Variants in FRAS1 observed in about 807,000 individuals in gnomAD.
FRAS1 encodes the protein Fraser extracellular matrix complex subunit 1.
In FRAS1, 290 loss-of-function variants were observed where a neutral mutation model predicts 435.2. That is an observed-to-expected ratio of 0.67 (90% confidence interval 0.61 to 0.73). The LOEUF is 0.73. FRAS1 is among the 30% of genes least tolerant of loss of function. FRAS1 has a pLI of 0.00. For missense variants in FRAS1, 4,860 were observed against 5,001.5 expected, an observed-to-expected ratio of 0.97 and a Z score of 0.85; for synonymous variants, 1,800 against 1,851.0, an observed-to-expected ratio of 0.97 and a Z score of 0.71.
chr4:78,469,056 C>CT (rs1232735378), intron 50 of FRAS1, among the ~76,000 whole-genome samples: 17 of 152,170 alleles, frequency 1.1e-4, no homozygotes, highest in Admixed American at 2.6e-4. Context: ...AGTCATCACT[C>CT]TTGTTTTTTC....
At chr4:78,058,197 G>C in intron 1 of FRAS1, 112 bp downstream of exon 1, 1 of 951,546 alleles carries the variant, frequency 1.1e-6, no homozygotes, top group Non-Finnish European at 1.5e-6. Flanking sequence ...ATTTCGGTGA[G>C]GTGGAAGTTT....
At chr4:78,189,018 A>T (rs962787164) in intron 2 of FRAS1, among the ~76,000 whole-genome samples, 5 of 152,218 alleles carry the variant, frequency 3.3e-5, no homozygotes, top group African/African-American at 1.2e-4. Flanking sequence ...ATGTGGTATT[A>T]CTGCCGAACT....
intron 2 of FRAS1, among the ~76,000 whole-genome samples, chr4:78,229,122 C>G (rs1560591798): frequency 2.0e-5 from 3 of 152,106 alleles, no homozygotes; most frequent in Non-Finnish European, 2.9e-5. Flanking sequence ...CAGATGGACA[C>G]TGGTTGAAAT....
chr4:78,149,631 C>T (rs1720561136), intron 2 of FRAS1, among the ~76,000 whole-genome samples: 1 of 152,122 alleles, frequency 6.6e-6, no homozygotes, highest in Non-Finnish European at 1.5e-5. Context: ...CTTTTTGCAT[C>T]ACTATATACA....
At chr4:78,414,554 C>T (rs574666798) in intron 32 of FRAS1, among the ~76,000 whole-genome samples, 141 of 152,284 alleles carry the variant, frequency 9.3e-4, no homozygotes, top group Non-Finnish European at 1.7e-3. Flanking sequence ...ATAGGACATA[C>T]TTGTGATCTG....
At chr4:78,135,451 A>G (rs886152021) in intron 2 of FRAS1, among the ~76,000 whole-genome samples, 1 of 152,214 alleles carries the variant, frequency 6.6e-6, no homozygotes, top group Non-Finnish European at 1.5e-5. Context: ...TGACAGTTAC[A>G]AACTGATCTG....
At chr4:78,389,800 C>G (rs927700959) in intron 29 of FRAS1, among the ~76,000 whole-genome samples, 1 of 152,162 alleles carries the variant, frequency 6.6e-6, no homozygotes, top group African/African-American at 2.4e-5. Flanking sequence ...GATGGAAGGA[C>G]ATTTCTAGGG....
intron 35 of FRAS1, among the ~76,000 whole-genome samples, chr4:78,427,222 C>A (rs548781354): frequency 3.5e-4 from 53 of 152,256 alleles, no homozygotes; most frequent in African/African-American, 1.3e-3. Flanking sequence ...GAACAAGAGA[C>A]TTAAAATCAC....
At chr4:78,255,745 G>T (rs1262501808) in intron 6 of FRAS1, among the ~76,000 whole-genome samples, 2 of 152,148 alleles carry the variant, frequency 1.3e-5, no homozygotes, top group African/African-American at 4.8e-5. Flanking sequence ...GCTTTTTTAA[G>T]ACATAATGCA....
chr4:78,286,777 T>G (rs1306182407), intron 14 of FRAS1, among the ~76,000 whole-genome samples: 3 of 152,232 alleles, frequency 2.0e-5, no homozygotes, highest in African/African-American at 7.2e-5. Flanking sequence ...TTAGTGGACT[T>G]ATATGCCTAC....
chr4:78,162,911 C>T (rs923476048), intron 2 of FRAS1, among the ~76,000 whole-genome samples: 1 of 152,228 alleles, frequency 6.6e-6, no homozygotes, highest in Non-Finnish European at 1.5e-5. Context: ...CAGGAAAGTT[C>T]AGAAAGTCAT....
chr4:78,541,231 G>C lies in FRAS1; in HGVS notation c.*107G>C, dbSNP rs1487744226. ...ATAAAAAAGGGAAAACTATAGCTTT[G>C]AGTGGCAGACAGCACACATCACATG... On this transcript the variant is annotated 3_prime_UTR_variant, in exon 74 of 74. Coordinates refer to ENST00000512123, the MANE Select transcript of FRAS1 (RefSeq NM_025074.7). 1.5e-6 allele frequency: 1 copy of C among 659,148 alleles called. No individual in the cohort carries two copies. Among genetic ancestry groups the C allele is most frequent in the Non-Finnish European group, 2.3e-6 (1 of 439,606 alleles). The allele number at this position is 659,148 out of a possible 1,614,324, so 40.8% of individuals were successfully genotyped here.
chr4:78,183,732 T>TTGTGTGTGTG (rs3974339), intron 2 of FRAS1, among the ~76,000 whole-genome samples: 6,990 of 136,896 alleles, frequency 0.051, 234 homozygotes, highest in Non-Finnish European at 0.075. Context: ...TTCATTCTCT[T>TTGTGTGTGTG]TGTGTGTGTG....
intron 38 of FRAS1, 45 bp downstream of exon 38, chr4:78,432,649 T>C: frequency 1.3e-6 from 2 of 1,517,274 alleles, no homozygotes; most frequent in Non-Finnish European, 8.9e-7. Context: ...CGCCGCATCT[T>C]CTGATGGGGC....
intron 33 of FRAS1, among the ~76,000 whole-genome samples, chr4:78,420,365 G>A (rs145688190): frequency 6.6e-6 from 1 of 152,274 alleles, no homozygotes; most frequent in East Asian, 1.9e-4. Context: ...CTAGCAGCCT[G>A]GGCTGTCTTC....
intron 20 of FRAS1, among the ~76,000 whole-genome samples, chr4:78,346,601 G>A (rs1379903083): frequency 6.6e-6 from 1 of 151,704 alleles, no homozygotes; most frequent in Non-Finnish European, 1.5e-5. Flanking sequence ...TTGTGGTTTT[G>A]ACCCTCATGG....
chr4:78,167,302 C>CTCGAA (rs1254374265), intron 2 of FRAS1, among the ~76,000 whole-genome samples: 1 of 151,516 alleles, frequency 6.6e-6, no homozygotes. Context: ...TGGGAGCTCA[C>CTCGAA]AGTCTGTTAA....
At chr4:78,329,483 A>G (rs1348278618) in intron 18 of FRAS1, among the ~76,000 whole-genome samples, 1 of 152,202 alleles carries the variant, frequency 6.6e-6, no homozygotes, top group Non-Finnish European at 1.5e-5. Context: ...CATTACACTA[A>G]TCCATTCAAA....
At chr4:78,355,148 A>G (rs951505746) in intron 20 of FRAS1, among the ~76,000 whole-genome samples, 3 of 152,132 alleles carry the variant, frequency 2.0e-5, no homozygotes, top group African/African-American at 7.2e-5. Context: ...TGCTTGCTTA[A>G]AAACAATAAA....
Sources: gnomAD v4.1 joint callset for allele counts (sites outside exome capture counted in the v4.1 genomes callset) on GRCh38, gnomAD v4.1.1 for gene constraint, MANE v1.5 for transcripts, NCBI Gene and HGNC (gene_info 2026-07-23, HGNC 2026-07-21) for gene names.